Variants in LYPD6B observed in about 807,000 individuals in gnomAD.
LYPD6B encodes the protein ly6/PLAUR domain-containing protein 6B.
Under a neutral mutation model 22.8 loss-of-function variants are expected in LYPD6B, and 17 were observed. The ratio of observed to expected loss-of-function variants is 0.75; its 90% CI spans 0.51 to 1.12. LYPD6B has a LOEUF of 1.12. Ranked by LOEUF, LYPD6B falls within the 50% of genes most tolerant of loss-of-function variation. The pLI is 0.00. For missense variants in LYPD6B, 221 were observed against 258.3 expected, an observed-to-expected ratio of 0.86 and a Z score of 0.99; for synonymous variants, 106 against 91.6, an observed-to-expected ratio of 1.16 and a Z score of -0.90.
chr2:149,064,190 C>T lies in LYPD6B; in HGVS notation c.-67+25389C>T, dbSNP rs1558976166. Among the ~76,000 whole-genome samples the T allele has an allele frequency of 2.6e-5, 4 of 152,084 alleles. No homozygotes were observed. The South Asian group carries it at 8.3e-4, about 32-fold the overall frequency. On this transcript the variant is annotated intron_variant, in intron 1 of 6. Transcript: ENST00000409642. ...AAAACATAGTTTTAGAAGTACAGCC[C>T]TATTTTGCTTATGTTTCCAATGCTG...
chr2:149,163,771 A>G (rs759272606), intron 3 of LYPD6B, among the ~76,000 whole-genome samples: 1 of 152,184 alleles, frequency 6.6e-6, no homozygotes, highest in African/African-American at 2.4e-5. Context: ...TTAGAATGTA[A>G]TCATTCTCTT....
At chr2:149,145,354 G>A (rs1023344426) in intron 2 of LYPD6B, among the ~76,000 whole-genome samples, 1 of 152,172 alleles carries the variant, frequency 6.6e-6, no homozygotes, top group African/African-American at 2.4e-5. Context: ...GAGGATATTT[G>A]CCTGGATGCT....
At chr2:149,153,994 A>C in intron 2 of LYPD6B, 1 of 800,806 alleles carries the variant, frequency 1.2e-6, no homozygotes, top group Non-Finnish European at 1.5e-6. Context: ...TCAAGAATTC[A>C]GCCTGGCTCC....
rs114938565 is a variant in LYPD6B at position 149,106,905 on chromosome 2, C to T, written c.-66-23978C>T. ...TGATTTGAGAACTTTTTTTTCAATA[C>T]CAATACAGCAGTCCCCCCTTATCTG... On this transcript the variant is annotated intron_variant, in intron 1 of 6. Coordinates refer to ENST00000409642, the MANE Select transcript of LYPD6B (RefSeq NM_177964.5). Among the ~76,000 whole-genome samples the T allele has an allele frequency of 3.9e-3, 600 of 151,924 alleles. 8 individuals are homozygous for T. Among genetic ancestry groups the T allele is most frequent in the African/African-American group, 0.014 (577 of 41,430 alleles).
chr2:149,071,709 C>T (rs373524157), intron 1 of LYPD6B, among the ~76,000 whole-genome samples: 2 of 152,082 alleles, frequency 1.3e-5, no homozygotes, highest in African/African-American at 2.4e-5. Context: ...ACGAGGCAGG[C>T]GCTTTTGGTT....
intron 3 of LYPD6B, chr2:149,187,412 T>C (rs1325441145): frequency 6.6e-7 from 1 of 1,520,560 alleles, no homozygotes; most frequent in South Asian, 1.3e-5. Context: ...TGTTATAAGA[T>C]TATTATTTTC....
chr2:149,188,739 T>A, intron 3 of LYPD6B: 1 of 926,338 alleles, frequency 1.1e-6, no homozygotes, highest in Non-Finnish European at 1.3e-6. Context: ...GAGGTAGTTT[T>A]AAACATACTT....
At chr2:149,178,685 T>C (rs978960182) in intron 3 of LYPD6B, among the ~76,000 whole-genome samples, 2 of 152,240 alleles carry the variant, frequency 1.3e-5, no homozygotes, top group South Asian at 4.1e-4. Flanking sequence ...ATTGTAGACA[T>C]GATCTTCTAA....
chr2:149,203,310 A>G (rs1320365032), intron 3 of LYPD6B, among the ~76,000 whole-genome samples: 1 of 152,206 alleles, frequency 6.6e-6, no homozygotes, highest in Non-Finnish European at 1.5e-5. Context: ...TTCTCTCCAT[A>G]TTATAAGAAC....
At chr2:149,091,351 A>G (rs1685641743) in intron 1 of LYPD6B, among the ~76,000 whole-genome samples, 1 of 150,494 alleles carries the variant, frequency 6.6e-6, no homozygotes. Flanking sequence ...GAAAGAGATT[A>G]TATATAAAGA....
chr2:149,115,045 T>G (rs760019754), intron 1 of LYPD6B, among the ~76,000 whole-genome samples: 2 of 152,122 alleles, frequency 1.3e-5, no homozygotes, highest in Non-Finnish European at 2.9e-5. Flanking sequence ...TTCAATTGAT[T>G]CTCCTGCCTC....
At chr2:149,163,039 G>A (rs1270745371) in intron 3 of LYPD6B, among the ~76,000 whole-genome samples, 1 of 152,096 alleles carries the variant, frequency 6.6e-6, no homozygotes. Flanking sequence ...TCTTGAGAGG[G>A]GTCTCTGTGG....
At chr2:149,110,937 A>C (rs1165275675) in intron 1 of LYPD6B, among the ~76,000 whole-genome samples, 4 of 152,168 alleles carry the variant, frequency 2.6e-5, no homozygotes, top group Non-Finnish European at 5.9e-5. Flanking sequence ...GAACTCTCGA[A>C]AAGGTGATAT....
chr2:149,130,838 TATAATATCAGTC>T, intron 1 of LYPD6B, 33 bp from the exon 2 acceptor site: 1 of 835,546 alleles, frequency 1.2e-6, no homozygotes, highest in Non-Finnish European at 2.1e-6. Context: ...CCCAAATGTC[TATAATATCAGTC>T]ATAATGATAC....
chr2:149,055,969 T>A (rs1041807784), intron 1 of LYPD6B, among the ~76,000 whole-genome samples: 1 of 152,186 alleles, frequency 6.6e-6, no homozygotes, highest in Non-Finnish European at 1.5e-5. Context: ...ATGGCAAGTG[T>A]GATTTATGCT....
chr2:149,134,610 A>G (rs1688245389), intron 2 of LYPD6B, among the ~76,000 whole-genome samples: 1 of 152,364 alleles, frequency 6.6e-6, no homozygotes, highest in Non-Finnish European at 1.5e-5. Flanking sequence ...AATCAATGAT[A>G]TAACTTGAAG....
rs564360116 is a variant in LYPD6B, at chr2:149,153,706, C to T, written c.6-7058C>T. Among the ~76,000 whole-genome samples, 33 of 151,664 alleles carry T rather than the reference C, an allele frequency of 2.2e-4. 1 individual carries two copies. In the East Asian group the frequency reaches 4.5e-3, roughly 21 times the overall value. On this transcript the variant is annotated intron_variant, in intron 2 of 6. Transcript: ENST00000409642. The stretch of plus-strand genomic sequence containing the variant: ...AGGGGAATCACTTGAACCCAGGAGG[C>T]GGAGATTGCAGTGAGCCGAGATCGT...
chr2:149,151,087 T>C (rs907858870), intron 2 of LYPD6B, among the ~76,000 whole-genome samples: 1 of 152,188 alleles, frequency 6.6e-6, no homozygotes, highest in Non-Finnish European at 1.5e-5. Context: ...TTGTTTGTTA[T>C]TTTTGGCCCC....
At chr2:149,046,004 T>C (rs1387289319) in intron 1 of LYPD6B, among the ~76,000 whole-genome samples, 1 of 152,156 alleles carries the variant, frequency 6.6e-6, no homozygotes, top group Non-Finnish European at 1.5e-5. Context: ...CCAGTTACAA[T>C]TGTGGATGTA....
Sources: allele counts gnomAD v4.1 joint callset (sites outside exome capture counted in the v4.1 genomes callset), GRCh38; gene constraint gnomAD v4.1.1; transcripts MANE v1.5; gene names NCBI Gene and HGNC (gene_info 2026-07-23, HGNC 2026-07-21).